Variants in DRC4 observed in about 807,000 individuals in gnomAD.
DRC4 encodes dynein regulatory complex subunit 4, also known as GAS-11.
the DRC4 span, chr16:90,035,641 C>T: frequency 1.4e-5 from 22 of 1,614,008 alleles, 1 homozygote; most frequent in African/African-American, 8.0e-5. Context: ...AGAAACACAC[C>T]GAGGAGATCA....
At chr16:90,030,849 C>T in the DRC4 span, among the ~76,000 whole-genome samples, 1 of 152,050 alleles carries the variant, frequency 6.6e-6, no homozygotes, top group Admixed American at 6.6e-5. Flanking sequence ...AGCTCCTGGG[C>T]GCGAGGGATC....
the DRC4 span, chr16:90,031,259 C>T: frequency 6.2e-7 from 1 of 1,608,888 alleles, no homozygotes; most frequent in Non-Finnish European, 8.5e-7. Context: ...GTGCATGGGC[C>T]CCTGCTCAGT....
At chr16:90,025,649 C>T in the DRC4 span, among the ~76,000 whole-genome samples, 6 of 45,928 alleles carry the variant, frequency 1.3e-4, no homozygotes, top group African/African-American at 5.8e-4. Context: ...GACTCTGTCT[C>T]AAAAAAAAAA....
At chr16:90,040,749 G>A in the DRC4 span, among the ~76,000 whole-genome samples, 13 of 151,934 alleles carry the variant, frequency 8.6e-5, no homozygotes, top group Non-Finnish European at 1.8e-4. Context: ...GGAGGGGGCT[G>A]GTTGGGGCCA....
the DRC4 span, chr16:90,032,885 G>A: frequency 6.2e-7 from 1 of 1,613,898 alleles, no homozygotes; most frequent in Non-Finnish European, 8.5e-7. Flanking sequence ...TCAAGGAGCA[G>A]GAGCTGGCCA....
At chr16:90,043,742 A>G in the DRC4 span, 30 of 477,344 alleles carry the variant, frequency 6.3e-5, no homozygotes, top group Admixed American at 4.4e-4. Context: ...CACTAACTTC[A>G]TTGACACCTG....
At chr16:90,022,873 T>C in the DRC4 span, 3 of 786,592 alleles carry the variant, frequency 3.8e-6, no homozygotes, top group Non-Finnish European at 5.3e-6. Flanking sequence ...TGTGGGGGTC[T>C]CCGTGGGGCA....
the DRC4 span, among the ~76,000 whole-genome samples, chr16:90,038,174 G>C: frequency 6.6e-6 from 1 of 152,194 alleles, no homozygotes; most frequent in African/African-American, 2.4e-5. Context: ...TCGTCCCCTC[G>C]AGAGCTCACC....
At chr16:90,037,106 G>A in the DRC4 span, 6 of 892,678 alleles carry the variant, frequency 6.7e-6, no homozygotes, top group African/African-American at 1.7e-5. Flanking sequence ...ACGTCTAGGT[G>A]CCAGCATGCC....
chr16:90,043,876 G>C, the DRC4 span: 3 of 461,814 alleles, frequency 6.5e-6, no homozygotes, highest in Non-Finnish European at 1.4e-5. Context: ...GCCAGCGTGC[G>C]GGAACGGGCA....
At chr16:90,032,253 TGTG>T in the DRC4 span, among the ~76,000 whole-genome samples, 11 of 142,964 alleles carry the variant, frequency 7.7e-5, no homozygotes, top group Non-Finnish European at 1.7e-4. Context: ...AGTGAGGAGG[TGTG>T]GTACAGGTGA....
chr16:90,038,183 CCT>C, the DRC4 span, among the ~76,000 whole-genome samples: 1 of 152,198 alleles, frequency 6.6e-6, no homozygotes, highest in Non-Finnish European at 1.5e-5. Flanking sequence ...CGAGAGCTCA[CCT>C]CTGAAAGCAC....
the DRC4 span, among the ~76,000 whole-genome samples, chr16:90,027,164 C>G: frequency 6.6e-6 from 1 of 151,440 alleles, no homozygotes; most frequent in African/African-American, 2.4e-5. Flanking sequence ...CGGCTCACTG[C>G]AAACTCCATG....
the DRC4 span, chr16:90,042,442 C>G: frequency 6.2e-7 from 1 of 1,611,056 alleles, no homozygotes; most frequent in Non-Finnish European, 8.5e-7. Flanking sequence ...AGATGAGTCT[C>G]AAACTCCCAT....
At chr16:90,027,793 A>G in the DRC4 span, 9 of 1,401,160 alleles carry the variant, frequency 6.4e-6, no homozygotes, top group Non-Finnish European at 9.1e-6. Flanking sequence ...GCCTACGCCG[A>G]GTGTCCATCT....
chr16:90,028,007 C>T, the DRC4 span: 1 of 407,146 alleles, frequency 2.5e-6, no homozygotes, highest in Non-Finnish European at 4.5e-6. Context: ...CGTGTATTCT[C>T]TTTCAATCTT....
the DRC4 span, chr16:90,042,827 T>G: frequency 3.9e-6 from 2 of 513,132 alleles, no homozygotes; most frequent in East Asian, 3.3e-5. Context: ...GAAGGTGCTG[T>G]GCCCACCGGG....
At chr16:90,032,076 G>T in the DRC4 span, among the ~76,000 whole-genome samples, 30 of 151,956 alleles carry the variant, frequency 2.0e-4, no homozygotes, top group Non-Finnish European at 2.4e-4. Flanking sequence ...GGTGTGTACG[G>T]GAATTTACAG....
the DRC4 span, among the ~76,000 whole-genome samples, chr16:90,030,964 T>G: frequency 6.6e-6 from 1 of 152,154 alleles, no homozygotes; most frequent in Non-Finnish European, 1.5e-5. Context: ...TTTTGATATT[T>G]TTGCTGTTGT....
Sources: gnomAD v4.1 joint callset for allele counts (sites outside exome capture counted in the v4.1 genomes callset) on GRCh38, gnomAD v4.1.1 for gene constraint, MANE v1.5 for transcripts, NCBI Gene and HGNC (gene_info 2026-07-23, HGNC 2026-07-21) for gene names.